Variants in PDE4A observed in about 807,000 individuals in gnomAD.
PDE4A encodes 3',5'-cyclic-AMP phosphodiesterase 4A.
Under a neutral mutation model 73.9 loss-of-function variants are expected in PDE4A, and 21 were observed. The observed-to-expected ratio is 0.28, with a 90% confidence interval of 0.20 to 0.41. The LOEUF (loss-of-function observed/expected upper bound fraction) is 0.41, where lower values mean the gene tolerates loss of function less well. Among genes scored for constraint, PDE4A ranks in the 10% least tolerant of loss-of-function variants. The pLI, the probability that PDE4A is intolerant of heterozygous loss-of-function variation, is 1.00. For missense variants in PDE4A, 958 were observed against 1,211.4 expected (o/e 0.79, Z 3.10); for synonymous variants, 463 against 505.4 (o/e 0.92, Z 1.13).
rs1170935035 is a variant in PDE4A, at chr19:10,456,525, C to CA, written c.878-1344dup. Reference sequence around the variant, plus strand: ...TGGGTGACAGAGTGAGACTCCATCTCAAAAAAAAAATAAATAAATAAATAA... The same window carrying CA: ...TGGGTGACAGAGTGAGACTCCATCTCAAAAAAAAAAATAAATAAATAAATAA... On this transcript the variant is annotated intron_variant, in intron 7 of 14. Coordinates refer to ENST00000380702, the MANE Select transcript of PDE4A (RefSeq NM_001111307.2). Among the ~76,000 whole-genome samples the CA allele has an allele frequency of 6.4e-3, 930 of 145,072 alleles. 8 individuals carry two copies. The highest frequency in any genetic ancestry group is 0.011 in the African/African-American group (428 of 40,066).
chr19:10,428,715 C>T lies in PDE4A; in HGVS notation c.320+7631C>T, dbSNP rs989556279. 5.4e-6 allele frequency: 5 copies of T among 933,774 alleles called. No individual in the cohort carries two copies. The African/African-American group carries it at 8.9e-5, about 17-fold the overall frequency. The allele number at this position is 933,774 out of a possible 1,614,324, so 57.8% of individuals were successfully genotyped here. On this transcript the variant is annotated intron_variant, in intron 1 of 14. Transcript: ENST00000380702. ...GGCTCAATGAAATGAAGTGACTAGC[C>T]CGAGATCAAATGGCTAAGAAGTGCC...
In PDE4A at chr19:10,467,549, A is replaced by G. The variant is rs1438715602; in HGVS notation, c.2589A>G (p.Ala863=). ...QAAKRACSAC[A]GTFGEDTSAL... ...CCAAGAGGGCTTGCAGTGCCTGCGC[A>G]GGGACATTTGGGGAGGACACATCCG... Residue 863 remains alanine, a synonymous_variant, in exon 15 of 15, where the codon GCA becomes GCG. Transcript: ENST00000380702. The G allele has an allele frequency of 6.2e-7, 1 of 1,611,238 alleles. No individual in the cohort carries two copies.
At chr19:10,451,090 G>A (rs1239904815) in intron 6 of PDE4A, 149 bp downstream of exon 6, 6 of 808,420 alleles carry the variant, frequency 7.4e-6, no homozygotes, top group African/African-American at 5.1e-5. Flanking sequence ...GCTACTGGGT[G>A]TGGCTGATTA....
upstream of PDE4A, chr19:10,416,994 C>T (rs931468829): frequency 1.3e-6 from 2 of 1,539,102 alleles, no homozygotes; most frequent in Non-Finnish European, 1.7e-6. Flanking sequence ...GGACGAGGTG[C>T]GAGAGGAGGG....
In PDE4A at chr19:10,420,793, G is replaced by A. The variant is rs766781818; in HGVS notation, c.29G>A (p.Arg10Lys). ...GAACCCCCGACCGTCCCCTCGGAAA[G>A]GAGCCTGTCTCTGTCACTGCCCGGG... MEPPTVPSE[R>K]SLSLSLPGPR... is the part of the protein sequence containing the mutation. The change falls in exon 1 of 15, where the codon AGG becomes AAG. Residue 10 changes from arginine (R) to lysine (K), a missense_variant. Physicochemically the swap from Arg to Lys is conservative, Grantham distance 26 (BLOSUM62 2). Coordinates refer to ENST00000380702, the MANE Select transcript of PDE4A (RefSeq NM_001111307.2). This position sits in a 1 kb window ranked among gnomAD's most constrained non-coding sequence, Gnocchi z 6.0. 3.5e-5 allele frequency: 56 copies of A among 1,581,028 alleles called. No homozygotes were observed. The highest frequency in any genetic ancestry group is 4.8e-5 in the Non-Finnish European group (56 of 1,172,692).
intron 14 of PDE4A, among the ~76,000 whole-genome samples, chr19:10,465,927 C>T (rs1315530952): frequency 6.7e-6 from 1 of 149,644 alleles, no homozygotes; most frequent in Non-Finnish European, 1.5e-5. Flanking sequence ...TCTTGAACTC[C>T]AGACATCAGG....
Position 10,424,019 on chromosome 19 carries a change from A to G in PDE4A, c.320+2935A>G, listed in dbSNP as rs2042683333. Among the ~76,000 whole-genome samples, 1 of 152,228 alleles carries G rather than the reference A, an allele frequency of 6.6e-6. No individual in the cohort carries two copies. The highest frequency in any genetic ancestry group is 6.5e-5 in the Admixed American group (1 of 15,288). On this transcript the variant is annotated intron_variant, in intron 1 of 14. Coordinates refer to ENST00000380702, the MANE Select transcript of PDE4A (RefSeq NM_001111307.2). The surrounding 1 kb of genome is among the most constrained non-coding windows in gnomAD (Gnocchi z 4.8). ...ACATACAGGATTCAGTGCTCCCCAC[A>G]CTGGAGTTCATCCAGCTACCGCAAA...
intron 10 of PDE4A, among the ~76,000 whole-genome samples, 170 bp downstream of exon 10, chr19:10,459,929 A>G (rs1029551588): frequency 1.3e-5 from 2 of 151,748 alleles, no homozygotes; most frequent in African/African-American, 2.4e-5. Flanking sequence ...CACCCAGGCT[A>G]GAGTGCAGTG....
intron 1 of PDE4A, among the ~76,000 whole-genome samples, chr19:10,431,732 A>G (rs2145471894): frequency 6.6e-6 from 1 of 152,216 alleles, no homozygotes; most frequent in Non-Finnish European, 1.5e-5. Flanking sequence ...GAAGGAGGGC[A>G]CGGCGGGGCA....
At chr19:10,416,795 T>C, upstream of PDE4A, 2 of 1,519,014 alleles carry the variant, frequency 1.3e-6, no homozygotes, top group Non-Finnish European at 1.8e-6. Flanking sequence ...GGAGAGGCAA[T>C]AGGCAAGTGG....
In PDE4A at chr19:10,455,071, T is replaced by G. The variant is rs1379520657; in HGVS notation, c.877+149T>G. Reference sequence around the variant, plus strand: ...TCACAGTCACCCTATCCAGGAACCCTCATGTTCCTGATGCCTCCAAACTCT... The same window carrying G: ...TCACAGTCACCCTATCCAGGAACCCGCATGTTCCTGATGCCTCCAAACTCT... On this transcript the variant is annotated intron_variant, in intron 7 of 14. Coordinates refer to ENST00000380702, the MANE Select transcript of PDE4A (RefSeq NM_001111307.2). 3 of 723,152 alleles carry G rather than the reference T, an allele frequency of 4.1e-6. No individual in the cohort carries two copies. The African/African-American group carries it at 5.3e-5, about 13-fold the overall frequency. 44.8% of individuals were successfully genotyped at this position (723,152 alleles called of 1,614,324 possible). A position where few individuals can be genotyped will look rare whatever the true frequency, so the allele number is the denominator to read the frequency against.
Position 10,467,476 on chromosome 19 carries a change from T to G in PDE4A, c.2516T>G (p.Leu839Arg), listed in dbSNP as rs1285935007. 1.2e-6 allele frequency: 2 copies of G among 1,612,714 alleles called. No homozygotes were observed. The highest frequency in any genetic ancestry group is 3.3e-5 in the Admixed American group (2 of 59,986). Residue 839 changes from leucine (L) to arginine (R), a missense_variant, in exon 15 of 15, where the codon CTC (leucine) becomes CGC (arginine). Physicochemically the swap from Leu to Arg is moderately radical, Grantham distance 102. Around this residue, in one of 3 missense-constraint regions of PDE4A, gnomAD observed 243 missense variants for 245.9 expected, o/e 0.99. Coordinates refer to ENST00000380702, the MANE Select transcript of PDE4A (RefSeq NM_001111307.2). ...GAGCATGCCCCGGGCCTCCCGGGCC[T>G]CCCCTCCACGGCGGCCGAGGTGGAG... is the stretch of plus-strand genomic sequence containing the variant. ...VSEHAPGLPG[L>R]PSTAAEVEAQ...
chr19:10,441,364 T>C (rs1381735693), intron 1 of PDE4A, among the ~76,000 whole-genome samples: 2 of 152,034 alleles, frequency 1.3e-5, no homozygotes, highest in Admixed American at 6.6e-5. Context: ...TGACCTCAAG[T>C]GATCTGCCCG....
intron 3 of PDE4A, 35 bp from the exon 4 acceptor site, chr19:10,449,045 G>A (rs747978051): frequency 1.3e-5 from 21 of 1,612,302 alleles, no homozygotes; most frequent in Admixed American, 6.7e-5. Flanking sequence ...CCTCTCTAGG[G>A]GAACCCCACT....
Position 10,420,950 on chromosome 19 carries a change from C to G in PDE4A, c.186C>G (p.His62Gln), listed in dbSNP as rs778811686. The part of the protein sequence containing the change: ...AERAERERQP[H>Q]RPIERADAMD... ...GCGCCGAGCGGGAGCGGCAGCCGCA[C>G]CGGCCCATAGAGCGCGCCGATGCCA... Residue 62 changes from histidine (H) to glutamine (Q), a missense_variant, in exon 1 of 15, where the codon CAC becomes CAG. Around this residue, in one of 3 missense-constraint regions of PDE4A, gnomAD observed 145 missense variants for 137.8 expected, o/e 1.05. Coordinates refer to ENST00000380702, the MANE Select transcript of PDE4A (RefSeq NM_001111307.2). The surrounding 1 kb of genome is among the most constrained non-coding windows in gnomAD (Gnocchi z 6.0). The G allele has an allele frequency of 3.2e-6, 5 of 1,562,488 alleles. No individual in the cohort carries two copies. The highest frequency in any genetic ancestry group is 2.3e-5 in the South Asian group (2 of 86,200).
chr19:10,454,081 TG>T (rs1257453746), intron 6 of PDE4A, among the ~76,000 whole-genome samples: 1 of 152,070 alleles, frequency 6.6e-6, no homozygotes, highest in African/African-American at 2.4e-5. Context: ...CAGAGTGGCA[TG>T]GGGGGACCAG....
chr19:10,427,979 G>T (rs1599403132), intron 1 of PDE4A: 1 of 226,978 alleles, frequency 4.4e-6, no homozygotes, highest in Non-Finnish European at 6.9e-6. Context: ...CTGGGTGACA[G>T]AGTGAGACCC....
upstream of PDE4A, chr19:10,417,931 C>T (rs2042604365): frequency 3.4e-6 from 5 of 1,479,520 alleles, no homozygotes; most frequent in Non-Finnish European, 3.6e-6. Flanking sequence ...GGGCTAGGTC[C>T]AGCCACCAGC....
intron 1 of PDE4A, among the ~76,000 whole-genome samples, chr19:10,436,345 C>T (rs1242718615): frequency 5.3e-5 from 8 of 152,054 alleles, no homozygotes; most frequent in Admixed American, 2.0e-4. Flanking sequence ...CACCTGAGAT[C>T]GGGAGTTCAA....
Sources: gnomAD v4.1 joint callset for allele counts (sites outside exome capture counted in the v4.1 genomes callset) on GRCh38, gnomAD v4.1.1 for gene constraint, gnomAD v4.1.1 regional missense constraint, Gnocchi (gnomAD v3.1) non-coding constraint, MANE v1.5 for transcripts, NCBI Gene and HGNC (gene_info 2026-07-23, HGNC 2026-07-21) for gene names.